The following PEX11G variants were observed in gnomAD, a reference collection of about 807,000 sequenced individuals.
PEX11G encodes peroxisomal biogenesis factor 11 gamma.
PEX11G carries 20 observed loss-of-function variants against 22.5 expected under a neutral mutation model. The observed-to-expected ratio is 0.89, with a 90% CI of 0.62 to 1.29. The LOEUF (loss-of-function observed/expected upper bound fraction) is 1.29, where lower values mean the gene tolerates loss of function less well. Ranked by LOEUF, PEX11G falls within the 50% of genes most tolerant of loss-of-function variation. PEX11G has a pLI of 0.00. For synonymous variants in PEX11G, 141 were observed against 154.5 expected (o/e 0.91, Z 0.65); for missense variants, 347 against 331.3 (o/e 1.05, Z -0.37).
At chr19:7,481,417 G>A (rs1057273428) in intron 3 of PEX11G, among the ~76,000 whole-genome samples, 15 of 152,128 alleles carry the variant, frequency 9.9e-5, no homozygotes, top group Admixed American at 7.9e-4. Flanking sequence ...GGCCAGGCTG[G>A]TCTAGAACTC....
Position 7,494,545 on chromosome 19 carries a change from C to T in PEX11G, c.-457+2858G>A, listed in dbSNP as rs79740721. On this transcript the variant is annotated intron_variant, in intron 1 of 6. Coordinates refer to the PEX11G transcript ENST00000593942. ...CGCAATGCATTTGCCCGAATGCTTC[C>T]TGTGTGCCGGGTCCCGCTCTAGGCA... Among the ~76,000 whole-genome samples the T allele has an allele frequency of 1.7e-3, 266 of 152,328 alleles. 2 individuals are homozygous for T. The East Asian group carries it at 0.018, about 10-fold the overall frequency.
chr19:7,477,402 C>A lies in PEX11G; in HGVS notation c.526G>T (p.Ala176Ser), dbSNP rs1352319343. 6.7e-7 allele frequency: 1 copy of A among 1,500,906 alleles called. No individual in the cohort carries two copies. 93.0% of individuals were successfully genotyped at this position (1,500,906 alleles called of 1,614,324 possible). A position where few individuals can be genotyped will look rare whatever the true frequency, so the allele number is the denominator to read the frequency against. Residue 176 changes from alanine to serine, a missense_variant, in exon 5 of 5, where the codon GCG becomes TCG. Transcript: ENST00000221480. ...LPRGKRRAME[A>S]QMQSEALSLL... Reference sequence around the variant, plus strand: ...GACAGCGCCTCCGACTGCATCTGCGCCTCCATGGCCCTCCGCTTGCCCCGG... The same window carrying A: ...GACAGCGCCTCCGACTGCATCTGCGACTCCATGGCCCTCCGCTTGCCCCGG...
rs747562401 is a variant in PEX11G, at chr19:7,489,017, T to C, written c.-7A>G. 2.0e-6 allele frequency: 3 copies of C among 1,516,810 alleles called. No homozygotes were observed. The highest frequency in any genetic ancestry group is 1.8e-6 in the Non-Finnish European group (2 of 1,136,874). 94.0% of individuals were successfully genotyped at this position (1,516,810 alleles called of 1,614,324 possible). A position where few individuals can be genotyped will look rare whatever the true frequency, so the allele number is the denominator to read the frequency against. ...GGCCGCTCAGCGACGCCATGGCAAC[T>C]CCGTGACGTCACCGCGACGTCGGCG... On this transcript the variant is annotated 5_prime_UTR_variant, in exon 1 of 5. Transcript: ENST00000221480.
intron 3 of PEX11G, among the ~76,000 whole-genome samples, chr19:7,480,398 C>G (rs1205616056): frequency 6.6e-6 from 1 of 152,188 alleles, no homozygotes; most frequent in Non-Finnish European, 1.5e-5. Flanking sequence ...CCAGGAACAT[C>G]CAGGCTGGGC....
Position 7,477,182 on chromosome 19 carries a change from C to A in PEX11G, c.*20G>T. The A allele has an allele frequency of 6.9e-7, 1 of 1,453,880 alleles. No individual in the cohort carries two copies. The highest frequency in any genetic ancestry group is 9.1e-7 in the Non-Finnish European group (1 of 1,103,518). 90.1% of individuals were successfully genotyped at this position (1,453,880 alleles called of 1,614,324 possible). On this transcript the variant is annotated 3_prime_UTR_variant, in exon 5 of 5. Transcript: ENST00000221480. The stretch of plus-strand genomic sequence containing the variant: ...GCCCTCCGTGGGCTCTGGCTGTGTC[C>A]CTGTGCTCTTCCGGCAGTGTCAGGG...
In PEX11G at chr19:7,477,372, G is replaced by A. The variant is rs1442877474; in HGVS notation, c.556C>T (p.Leu186Phe). ...AQMQSEALSLLSNLADLANAV... is the reference protein window; with the variant it reads ...AQMQSEALSLFSNLADLANAV... ...TTGGCCAGGTCGGCCAGGTTGCTGA[G>A]AAGTGACAGCGCCTCCGACTGCATC... The change falls in exon 5 of 5, where the codon CTC becomes TTC. Residue 186 changes from leucine to phenylalanine, a missense_variant. Coordinates refer to ENST00000221480, the MANE Select transcript of PEX11G (RefSeq NM_080662.4). 6.4e-7 allele frequency: 1 copy of A among 1,559,346 alleles called. No homozygotes were observed. The highest frequency in any genetic ancestry group is 1.2e-5 in the South Asian group (1 of 84,506).
chr19:7,477,157 G>T lies in PEX11G; in HGVS notation c.*45C>A. The T allele has an allele frequency of 7.2e-7, 1 of 1,394,280 alleles. No homozygotes were observed. The highest frequency in any genetic ancestry group is 1.6e-5 in the South Asian group (1 of 61,406). The allele number at this position is 1,394,280 out of a possible 1,614,324, so 86.4% of individuals were successfully genotyped here. A position where few individuals can be genotyped will look rare whatever the true frequency, so the allele number is the denominator to read the frequency against. On this transcript the variant is annotated 3_prime_UTR_variant, in exon 5 of 5. Transcript: ENST00000221480. ...TGGCGGCTTCTGCTTTGCGGGAAGG[G>T]CCCTCCGTGGGCTCTGGCTGTGTCC...
At chr19:7,493,412 C>T (rs1481744815), upstream of PEX11G, among the ~76,000 whole-genome samples, 1 of 152,044 alleles carries the variant, frequency 6.6e-6, no homozygotes, top group Non-Finnish European at 1.5e-5. Context: ...CCAGGCTGGT[C>T]TCAAACTCCT....
At chr19:7,491,400 G>A (rs1397572050), upstream of PEX11G, among the ~76,000 whole-genome samples, 2 of 150,958 alleles carry the variant, frequency 1.3e-5, no homozygotes, top group Non-Finnish European at 2.9e-5. Context: ...CTCCCAAGTG[G>A]CTGAGAGTAC....
intron 3 of PEX11G, among the ~76,000 whole-genome samples, chr19:7,481,655 A>G (rs1977492834): frequency 6.6e-6 from 1 of 152,106 alleles, no homozygotes; most frequent in Non-Finnish European, 1.5e-5. Context: ...AGATGAAGGA[A>G]GGGGCCATGA....
chr19:7,477,357 C>A lies in PEX11G; in HGVS notation c.571G>T (p.Asp191Tyr). 1 of 1,557,638 alleles carries A rather than the reference C, an allele frequency of 6.4e-7. No individual in the cohort carries two copies. Among genetic ancestry groups the A allele is most frequent in the Non-Finnish European group, 8.7e-7 (1 of 1,153,446 alleles). Residue 191 changes from aspartate to tyrosine, a missense_variant, in exon 5 of 5, where the codon GAC becomes TAC. Asp to Tyr is a radical substitution (Grantham distance 160, BLOSUM62 -3). Coordinates refer to ENST00000221480, the MANE Select transcript of PEX11G (RefSeq NM_080662.4). ...AGCCAGTGCACGGCGTTGGCCAGGT[C>A]GGCCAGGTTGCTGAGAAGTGACAGC... ...EALSLLSNLA[D>Y]LANAVHWLPR...
intron 2 of PEX11G, among the ~76,000 whole-genome samples, chr19:7,483,629 T>C (rs781623407): frequency 3.3e-5 from 5 of 152,026 alleles, no homozygotes; most frequent in African/African-American, 1.2e-4. Context: ...GAGGATGCTA[T>C]AGGTGTCAAA....
At chr19:7,490,685 C>T (rs1441291438), upstream of PEX11G, among the ~76,000 whole-genome samples, 6 of 124,674 alleles carry the variant, frequency 4.8e-5, no homozygotes, top group Non-Finnish European at 9.7e-5. Flanking sequence ...GACAGGGCCT[C>T]GCTCTGGGAG....
intron 3 of PEX11G, among the ~76,000 whole-genome samples, chr19:7,478,901 G>A (rs908198247): frequency 2.0e-5 from 3 of 152,190 alleles, no homozygotes; most frequent in Non-Finnish European, 1.5e-5. Context: ...GGCATCTGCA[G>A]GCTGAGGAAG....
At chr19:7,477,520 C>A (rs1953856961) in intron 4 of PEX11G, 84 bp from the exon 5 acceptor site, 3 of 1,154,328 alleles carry the variant, frequency 2.6e-6, no homozygotes, top group South Asian at 1.9e-5. Context: ...TGTGGCCTGG[C>A]AGCCCTGAGC....
At chr19:7,487,419 T>A (rs910281661) in intron 1 of PEX11G, among the ~76,000 whole-genome samples, 3 of 152,188 alleles carry the variant, frequency 2.0e-5, no homozygotes, top group African/African-American at 7.2e-5. Context: ...ATAGGTCATC[T>A]TCACTACTCA....
chr19:7,479,683 C>T (rs1019163325), intron 3 of PEX11G, among the ~76,000 whole-genome samples: 6 of 152,198 alleles, frequency 3.9e-5, no homozygotes, highest in African/African-American at 9.7e-5. Context: ...ACAAGAATGC[C>T]GCAGCAGGCG....
At chr19:7,480,670 C>A (rs1869750928) in intron 3 of PEX11G, among the ~76,000 whole-genome samples, 1 of 152,172 alleles carries the variant, frequency 6.6e-6, no homozygotes, top group South Asian at 2.1e-4. Context: ...ATTAGGACAT[C>A]TGTGCCGGGG....
intron 1 of PEX11G, among the ~76,000 whole-genome samples, chr19:7,487,836 G>C (rs1027390229): frequency 2.6e-5 from 4 of 152,126 alleles, no homozygotes; most frequent in African/African-American, 9.7e-5. Context: ...ACTGCAATCT[G>C]AATGTTCAAC....
Sources: gnomAD v4.1 joint callset for allele counts (sites outside exome capture counted in the v4.1 genomes callset) on GRCh38, gnomAD v4.1.1 for gene constraint, MANE v1.5 for transcripts, NCBI Gene and HGNC (gene_info 2026-07-23, HGNC 2026-07-21) for gene names.